The following ZNF740 variants were observed in gnomAD, a reference collection of about 807,000 sequenced individuals.
The protein encoded by ZNF740 is oriLyt TD-element-binding protein 7.
Under a neutral mutation model 24.8 loss-of-function variants are expected in ZNF740, and 14 were observed. The observed-to-expected ratio is 0.56, with a 90% CI of 0.37 to 0.88. The LOEUF is 0.88. ZNF740 is among the 40% of genes least tolerant of loss of function. The probability of loss-of-function intolerance (pLI) is 0.00; values close to 1 mark genes in which losing one functional copy is unlikely to be tolerated. For missense variants in ZNF740, 201 were observed against 247.9 expected (o/e 0.81, Z 1.27); for synonymous variants, 69 against 84.0 (o/e 0.82, Z 0.98).
intron 2 of ZNF740, among the ~76,000 whole-genome samples, chr12:53,184,496 C>CT (rs2047597817): frequency 6.6e-6 from 1 of 152,108 alleles, no homozygotes; most frequent in East Asian, 1.9e-4. Flanking sequence ...CAGCTGAGGG[C>CT]TGTTGAGGGA....
In ZNF740 at chr12:53,191,783, C is replaced by T; in HGVS notation, c.*4193C>T. On this transcript the variant is annotated 3_prime_UTR_variant, in exon 7 of 7. Coordinates refer to ENST00000416904, the MANE Select transcript of ZNF740 (RefSeq NM_001004304.4). ...TTACATGTGCCAGGGGCTGGGGGAA[C>T]CCAGTGGGAGGAATCAGGGCTGGTC... 3 of 1,592,184 alleles carry T rather than the reference C, an allele frequency of 1.9e-6. No homozygotes were observed. Among genetic ancestry groups the T allele is most frequent in the South Asian group, 1.1e-5 (1 of 90,470 alleles).
intron 2 of ZNF740, 196 bp downstream of exon 2, chr12:53,182,188 G>A (rs1013005098): frequency 5.7e-6 from 4 of 699,124 alleles, no homozygotes; most frequent in African/African-American, 5.4e-5. Context: ...TCAAATGAAG[G>A]AGGTAGGCTA....
chr12:53,192,158 C>A lies in ZNF740; in HGVS notation c.*4568C>A. On this transcript the variant is annotated 3_prime_UTR_variant, in exon 7 of 7. Transcript: ENST00000416904. ...ACCCAGGGAGGTCCAAGGTTATCCT[C>A]ACCGCCCAGGGCCTTAGCCTCGTCC... The A allele has an allele frequency of 7.3e-6, 9 of 1,236,274 alleles. No homozygotes were observed. Among genetic ancestry groups the A allele is most frequent in the Admixed American group, 2.3e-5 (1 of 44,360 alleles). 76.6% of individuals were successfully genotyped at this position (1,236,274 alleles called of 1,614,324 possible). A position where few individuals can be genotyped will look rare whatever the true frequency, so the allele number is the denominator to read the frequency against.
At position 53,186,138 on chromosome 12, in the gene ZNF740, G is replaced by A. The variant is rs1178912854; in HGVS notation, c.373+61G>A. On this transcript the variant is annotated intron_variant, in intron 5 of 6. Coordinates refer to ENST00000416904, the MANE Select transcript of ZNF740 (RefSeq NM_001004304.4). ...AGTCTATCGCTTGTATTCCATGTCT[G>A]TTTGTGGCTCTAGTTGGGTTTATTT... is the stretch of plus-strand genomic sequence containing the variant. 11 of 1,572,694 alleles carry A rather than the reference G, an allele frequency of 7.0e-6. No individual in the cohort carries two copies. In the Admixed American group the frequency reaches 1.1e-4, roughly 16 times the overall value.
Position 53,190,272 on chromosome 12 carries a change from C to T in ZNF740, c.*2682C>T, listed in dbSNP as rs556536183. 1.3e-5 allele frequency: 2 copies of T among 152,778 alleles called. No individual in the cohort carries two copies. Among genetic ancestry groups the T allele is most frequent in the East Asian group, 3.9e-4 (2 of 5,184 alleles). 9.5% of individuals were successfully genotyped at this position (152,778 alleles called of 1,614,324 possible). On this transcript the variant is annotated 3_prime_UTR_variant, in exon 7 of 7. Coordinates refer to ENST00000416904, the MANE Select transcript of ZNF740 (RefSeq NM_001004304.4). The stretch of plus-strand genomic sequence containing the variant: ...ACTGACTCACACCGCTGCAGAGGCT[C>T]CTGGGCCCAATGCCCGACCCCTGCT...
chr12:53,186,748 G>A, intron 6 of ZNF740: 1 of 404,068 alleles, frequency 2.5e-6, no homozygotes. Context: ...CAGGCACTGT[G>A]AGAGCATACT....
chr12:53,185,189 A>G, intron 3 of ZNF740, 149 bp downstream of exon 3: 2 of 1,362,322 alleles, frequency 1.5e-6, no homozygotes, highest in Non-Finnish European at 2.0e-6. Flanking sequence ...TTGGTATTTC[A>G]GAAAGCTAAG....
rs764818368 is a variant in ZNF740, at chr12:53,194,150, C to T, written c.*6560C>T. 10 of 1,611,244 alleles carry T rather than the reference C, an allele frequency of 6.2e-6. No individual in the cohort carries two copies. Among genetic ancestry groups the T allele is most frequent in the Non-Finnish European group, 8.5e-6 (10 of 1,177,938 alleles). ...CTTTTCCTGCCTGCTTAATTTCCCA[C>T]TCCCACCTCCCCCTGCCCGCCTTCT... On this transcript the variant is annotated 3_prime_UTR_variant, in exon 7 of 7. Coordinates refer to ENST00000416904, the MANE Select transcript of ZNF740 (RefSeq NM_001004304.4).
Position 53,192,172 on chromosome 12 carries a change from T to G in ZNF740, c.*4582T>G. ...AAGGTTATCCTCACCGCCCAGGGCC[T>G]TAGCCTCGTCCACTTGCTCAATTGC... is the stretch of plus-strand genomic sequence containing the variant. On this transcript the variant is annotated 3_prime_UTR_variant, in exon 7 of 7. Transcript: ENST00000416904. The G allele has an allele frequency of 1.7e-6, 2 of 1,198,716 alleles. No homozygotes were observed. Among genetic ancestry groups the G allele is most frequent in the Non-Finnish European group, 2.3e-6 (2 of 853,544 alleles). The allele number at this position is 1,198,716 out of a possible 1,614,324, so 74.3% of individuals were successfully genotyped here. A position where few individuals can be genotyped will look rare whatever the true frequency, so the allele number is the denominator to read the frequency against.
chr12:53,191,475 T>TA lies in ZNF740; in HGVS notation c.*3886dup. ...GTGAATTAGTCCCCTACCAAGGTCT[T>TA]ACAGACCCACCCTTCCTCTCACCCT... is the stretch of plus-strand genomic sequence containing the variant. On this transcript the variant is annotated 3_prime_UTR_variant, in exon 7 of 7. Transcript: ENST00000416904. The TA allele has an allele frequency of 6.1e-6, 7 of 1,149,990 alleles. No homozygotes were observed. The highest frequency in any genetic ancestry group is 9.2e-6 in the Non-Finnish European group (7 of 757,840). 71.2% of individuals were successfully genotyped at this position (1,149,990 alleles called of 1,614,324 possible).
chr12:53,185,736 TACTC>T (rs1308389304), intron 4 of ZNF740, among the ~76,000 whole-genome samples: 3 of 152,228 alleles, frequency 2.0e-5, no homozygotes, highest in African/African-American at 7.2e-5. Context: ...GCTCAAGTCA[TACTC>T]AGACTGCTGG....
At chr12:53,186,726 C>T in intron 6 of ZNF740, 1 of 471,420 alleles carries the variant, frequency 2.1e-6, no homozygotes, top group East Asian at 3.4e-5. Flanking sequence ...TTCCATATCA[C>T]TTACTCTATG....
chr12:53,187,380 C>G, intron 6 of ZNF740, 121 bp from the exon 7 acceptor site: 1 of 779,792 alleles, frequency 1.3e-6, no homozygotes, highest in South Asian at 1.6e-5. Context: ...TGTGCTCCTG[C>G]TGTCTGTGCA....
rs1295709331 is a variant in ZNF740, at chr12:53,191,563, G to A, written c.*3973G>A. 3.7e-6 allele frequency: 6 copies of A among 1,610,976 alleles called. No homozygotes were observed. The Admixed American group carries it at 8.3e-5, about 22-fold the overall frequency. The stretch of plus-strand genomic sequence containing the variant: ...TAAGTGTCCCTCCCTCCTTCAGAGA[G>A]TGGGACTGTCTGCCTCTTGAAAGCG... On this transcript the variant is annotated 3_prime_UTR_variant, in exon 7 of 7. Coordinates refer to ENST00000416904, the MANE Select transcript of ZNF740 (RefSeq NM_001004304.4).
In ZNF740 at chr12:53,193,513, G is replaced by T; in HGVS notation, c.*5923G>T. The T allele has an allele frequency of 2.7e-6, 2 of 745,630 alleles. No homozygotes were observed. The highest frequency in any genetic ancestry group is 4.3e-6 in the Non-Finnish European group (2 of 461,852). 46.2% of individuals were successfully genotyped at this position (745,630 alleles called of 1,614,324 possible). ...TGTTAAGTATAGTGAAACACTGAGG[G>T]GTGAGAGAGTGGAGGGAGCCCCAGT... On this transcript the variant is annotated 3_prime_UTR_variant, in exon 7 of 7. Transcript: ENST00000416904.
At position 53,193,636 on chromosome 12, in the gene ZNF740, AGCGGAGGAATACGGGCCAGGGTTG is replaced by A; in HGVS notation, c.*6048_*6071del. 1 of 1,311,814 alleles carries A rather than the reference AGCGGAGGAATACGGGCCAGGGTTG, an allele frequency of 7.6e-7. No homozygotes were observed. Among genetic ancestry groups the A allele is most frequent in the Non-Finnish European group, 1.1e-6 (1 of 950,480 alleles). The allele number at this position is 1,311,814 out of a possible 1,614,324, so 81.3% of individuals were successfully genotyped here. A position where few individuals can be genotyped will look rare whatever the true frequency, so the allele number is the denominator to read the frequency against. On this transcript the variant is annotated 3_prime_UTR_variant, in exon 7 of 7. Transcript: ENST00000416904. ...GACTCCTGTGGGGGGGATGGAAAGC[AGCGGAGGAATACGGGCCAGGGTTG>A]GTTGGTTGTTGGGAGCCAGGTGGTT...
rs770747559 is a variant in ZNF740 at position 53,187,519 on chromosome 12, C to T, written c.511C>T (p.Arg171Ter). ...RCHQCFSRTD[R>*]LLRHKRMCQG... Reference sequence around the variant, plus strand: ...TTCTCAGTGTTTTTCTCGGACAGATCGATTACTCAGACACAAACGGATGTG... The same window carrying T: ...TTCTCAGTGTTTTTCTCGGACAGATTGATTACTCAGACACAAACGGATGTG... Residue 171 changes from arginine to a stop codon, truncating the protein, a stop_gained, in exon 7 of 7, where the codon CGA (arginine) becomes TGA (stop). Coordinates refer to ENST00000416904, the MANE Select transcript of ZNF740 (RefSeq NM_001004304.4). LOFTEE classifies it high-confidence loss of function. 6 of 1,613,932 alleles carry T rather than the reference C, an allele frequency of 3.7e-6. No individual in the cohort carries two copies. Among genetic ancestry groups the T allele is most frequent in the Admixed American group, 1.7e-5 (1 of 60,018 alleles).
At chr12:53,182,296 T>A (rs1941676301) in intron 2 of ZNF740, 1 of 329,852 alleles carries the variant, frequency 3.0e-6, no homozygotes, top group Non-Finnish European at 5.5e-6. Context: ...GAGTGAATAG[T>A]ACGGTGAATG....
intron 6 of ZNF740, 25 bp from the exon 7 acceptor site, chr12:53,187,476 C>T (rs748042306): frequency 6.2e-7 from 1 of 1,604,832 alleles, no homozygotes; most frequent in Non-Finnish European, 8.5e-7. Flanking sequence ...TCTGCTCAGG[C>T]ACTTAACCCT....
Sources: allele counts gnomAD v4.1 joint callset (sites outside exome capture counted in the v4.1 genomes callset), GRCh38; gene constraint gnomAD v4.1.1; transcripts MANE v1.5; gene names NCBI Gene and HGNC (gene_info 2026-07-23, HGNC 2026-07-21).